UCK2: variants seen among roughly 807,000 people sequenced by gnomAD.
The protein encoded by UCK2 is uridine-cytidine kinase 2, also known as cytidine monophosphokinase 2.
Under a neutral mutation model 30.8 loss-of-function variants are expected in UCK2, and 6 were observed. The ratio of observed to expected loss-of-function variants is 0.19; its 90% CI spans 0.11 to 0.38. The LOEUF is 0.38. Among genes scored for constraint, UCK2 ranks in the 10% least tolerant of loss-of-function variants. The probability of loss-of-function intolerance (pLI) is 1.00; values close to 1 mark genes in which losing one functional copy is unlikely to be tolerated. For synonymous variants in UCK2, 125 were observed against 133.6 expected (o/e 0.94, Z 0.45); for missense variants, 210 against 339.8 (o/e 0.62, Z 3.00).
rs115225393 is a variant in UCK2, at chr1:165,878,413, C to T, written c.100-11791C>T. Among the ~76,000 whole-genome samples, 1,464 of 151,846 alleles carry T rather than the reference C, an allele frequency of 9.6e-3. 22 individuals are homozygous for T. Among genetic ancestry groups the T allele is most frequent in the African/African-American group, 0.034 (1,401 of 41,362 alleles). On this transcript the variant is annotated intron_variant, in intron 1 of 6. Coordinates refer to ENST00000367879, the MANE Select transcript of UCK2 (RefSeq NM_012474.5). ...TGGCGCAATCTCGGCTCACTGTAGT[C>T]TCCACCTTCTGGGTTCAAGCGATTC...
intron 1 of UCK2, among the ~76,000 whole-genome samples, chr1:165,840,733 G>T (rs1654307175): frequency 6.6e-6 from 1 of 152,120 alleles, no homozygotes; most frequent in African/African-American, 2.4e-5. Flanking sequence ...CCAGCTTTCT[G>T]TAGGCCTTAG....
intron 1 of UCK2, among the ~76,000 whole-genome samples, chr1:165,868,786 G>A (rs554307394): frequency 6.6e-6 from 1 of 152,190 alleles, no homozygotes; most frequent in Non-Finnish European, 1.5e-5. Context: ...TCATTCATGT[G>A]TTCACTGGAG....
rs143049733 is a variant in UCK2, at chr1:165,831,217, A to G, written c.99+3285A>G. ...CCTTCAAAACCAGCCTGGGCAACAGAGAGAGACCCCGTCTCTACGAAAAAT... is the reference window on the plus strand; with the variant it reads ...CCTTCAAAACCAGCCTGGGCAACAGGGAGAGACCCCGTCTCTACGAAAAAT... On this transcript the variant is annotated intron_variant, in intron 1 of 6. Coordinates refer to ENST00000367879, the MANE Select transcript of UCK2 (RefSeq NM_012474.5). Among the ~76,000 whole-genome samples, 26 of 152,276 alleles carry G rather than the reference A, an allele frequency of 1.7e-4. No homozygotes were observed. In the East Asian group the frequency reaches 4.4e-3, roughly 26 times the overall value.
chr1:165,876,104 T>C (rs1655327682), intron 1 of UCK2, among the ~76,000 whole-genome samples: 3 of 152,224 alleles, frequency 2.0e-5, no homozygotes, highest in Admixed American at 2.0e-4. Context: ...CACAAGGACC[T>C]ATATTTTGCT....
chr1:165,897,364 C>T (rs186862095), intron 4 of UCK2, among the ~76,000 whole-genome samples: 23 of 152,002 alleles, frequency 1.5e-4, no homozygotes, highest in African/African-American at 4.8e-4. Flanking sequence ...CTGATCTAGA[C>T]GAGAGGCAGG....
intron 1 of UCK2, among the ~76,000 whole-genome samples, chr1:165,847,069 T>C (rs796967009): frequency 2.6e-5 from 4 of 152,192 alleles, no homozygotes; most frequent in African/African-American, 9.6e-5. Context: ...GAAGTGTGTG[T>C]GTGCTTGTAT....
At chr1:165,863,697 T>G (rs1654976390) in intron 1 of UCK2, among the ~76,000 whole-genome samples, 1 of 152,154 alleles carries the variant, frequency 6.6e-6, no homozygotes, top group South Asian at 2.1e-4. Flanking sequence ...TTGAAATTAG[T>G]TTTGATTTTA....
chr1:165,849,616 G>A (rs2101857119), intron 1 of UCK2, among the ~76,000 whole-genome samples: 1 of 152,340 alleles, frequency 6.6e-6, no homozygotes, highest in South Asian at 2.1e-4. Context: ...CCAGCTTCCA[G>A]CCTGCATAGA....
chr1:165,906,954 C>G (rs1412522854), intron 6 of UCK2, among the ~76,000 whole-genome samples: 1 of 152,298 alleles, frequency 6.6e-6, no homozygotes, highest in African/African-American at 2.4e-5. Context: ...CCTCTTTTAA[C>G]CTGGAGATGT....
rs548273531 is a variant in UCK2 at position 165,839,860 on chromosome 1, G to A, written c.99+11928G>A. ...TGCTTCTGCAGTGGGCCGGTCACTT[G>A]CCGGTACCGTGATTCATGTTCTGTG... On this transcript the variant is annotated intron_variant, in intron 1 of 6. Transcript: ENST00000367879. 1.2e-3 allele frequency among the ~76,000 whole-genome samples: 178 copies of A among 152,326 alleles called. 1 individual carries two copies. Among genetic ancestry groups the A allele is most frequent in the African/African-American group, 4.1e-3 (170 of 41,576 alleles).
intron 1 of UCK2, among the ~76,000 whole-genome samples, chr1:165,885,795 A>C (rs774126873): frequency 4.6e-5 from 7 of 152,246 alleles, no homozygotes; most frequent in Non-Finnish European, 1.0e-4. Flanking sequence ...TTCCCATCAC[A>C]TAAGCTTGTG....
At chr1:165,897,253 G>A (rs1647293992) in intron 4 of UCK2, among the ~76,000 whole-genome samples, 1 of 152,108 alleles carries the variant, frequency 6.6e-6, no homozygotes, top group Non-Finnish European at 1.5e-5. Flanking sequence ...GGTTCTGAGC[G>A]AGGCAAGTGA....
chr1:165,835,079 C>T (rs1195530791), intron 1 of UCK2, among the ~76,000 whole-genome samples: 1 of 152,122 alleles, frequency 6.6e-6, no homozygotes, highest in African/African-American at 2.4e-5. Context: ...TTTCCCTTGC[C>T]TGTCCTCTAG....
intron 1 of UCK2, among the ~76,000 whole-genome samples, chr1:165,872,651 C>T (rs1282206177): frequency 6.6e-6 from 1 of 152,190 alleles, no homozygotes; most frequent in Non-Finnish European, 1.5e-5. Context: ...TTATGTCTGT[C>T]AATGGAGGAC....
intron 1 of UCK2, among the ~76,000 whole-genome samples, chr1:165,888,642 C>CTTTTT (rs60874109): frequency 1.5e-3 from 106 of 71,034 alleles, no homozygotes; most frequent in African/African-American, 2.5e-3. Context: ...CTTTCTTCTT[C>CTTTTT]TTTTTTTTTT....
At chr1:165,836,276 A>G (rs369983329) in intron 1 of UCK2, among the ~76,000 whole-genome samples, 47 of 152,242 alleles carry the variant, frequency 3.1e-4, no homozygotes, top group African/African-American at 1.1e-3. Context: ...TATGTTATAC[A>G]TTTTTTTGAA....
intron 5 of UCK2, among the ~76,000 whole-genome samples, chr1:165,905,439 A>G (rs958597073): frequency 6.6e-6 from 1 of 152,110 alleles, no homozygotes; most frequent in Non-Finnish European, 1.5e-5. Flanking sequence ...AGCTGTGATG[A>G]TGCCGCTGCA....
Position 165,908,140 on chromosome 1 carries a change from A to G in UCK2, c.*317A>G, listed in dbSNP as rs1647736329. On this transcript the variant is annotated 3_prime_UTR_variant, in exon 7 of 7. Coordinates refer to ENST00000367879, the MANE Select transcript of UCK2 (RefSeq NM_012474.5). ...TTTTGTGTAAATGTACAAATACTGT[A>G]AAGCTGTTTGCCATAAGTATTTTGC... 1 of 193,294 alleles carries G rather than the reference A, an allele frequency of 5.2e-6. No individual in the cohort carries two copies. The highest frequency in any genetic ancestry group is 2.3e-5 in the African/African-American group (1 of 42,672). The allele number at this position is 193,294 out of a possible 1,614,324, so 12.0% of individuals were successfully genotyped here.
chr1:165,830,172 AT>A (rs111597283), intron 1 of UCK2, among the ~76,000 whole-genome samples: 239 of 143,468 alleles, frequency 1.7e-3, no homozygotes, highest in Middle Eastern at 3.7e-3. Flanking sequence ...TGCCCGACTA[AT>A]TTTTTTTTTT....
Sources: gnomAD v4.1 joint callset for allele counts (sites outside exome capture counted in the v4.1 genomes callset) on GRCh38, gnomAD v4.1.1 for gene constraint, MANE v1.5 for transcripts, NCBI Gene and HGNC (gene_info 2026-07-23, HGNC 2026-07-21) for gene names.